TENM3: variants seen among roughly 807,000 people sequenced by gnomAD.
The protein encoded by TENM3 is teneurin transmembrane protein 3.
In TENM3, 63 loss-of-function variants were observed where a neutral mutation model predicts 255.1. That is an observed-to-expected ratio of 0.25 (90% confidence interval 0.20 to 0.30). The LOEUF is 0.30. TENM3 is among the 10% of genes least tolerant of loss of function. The probability of loss-of-function intolerance (pLI) is 1.00; values close to 1 mark genes in which losing one functional copy is unlikely to be tolerated. For missense variants in TENM3, 2,929 were observed against 3,461.1 expected (o/e 0.85, Z 3.86); for synonymous variants, 1,306 against 1,322.3 (o/e 0.99, Z 0.27).
chr4:181,844,216 C>A, the TENM3 span, among the ~76,000 whole-genome samples: 1 of 152,132 alleles, frequency 6.6e-6, no homozygotes, highest in South Asian at 2.1e-4. Flanking sequence ...CACCCCATCT[C>A]TCAACACTGT....
the TENM3 span, among the ~76,000 whole-genome samples, chr4:181,763,884 G>A: frequency 6.6e-6 from 1 of 152,218 alleles, no homozygotes; most frequent in Non-Finnish European, 1.5e-5. Flanking sequence ...AAACTTTTAT[G>A]AACGCAGAGA....
At chr4:182,211,195 A>C (rs940419617) in intron 1 of TENM3, among the ~76,000 whole-genome samples, 1 of 152,258 alleles carries the variant, frequency 6.6e-6, no homozygotes, top group African/African-American at 2.4e-5. Context: ...GAGTAAAGGT[A>C]GTATTCATAA....
the TENM3 span, among the ~76,000 whole-genome samples, chr4:181,807,720 A>G: frequency 1.3e-5 from 2 of 152,224 alleles, no homozygotes; most frequent in Admixed American, 1.3e-4. Context: ...CATCAAAAGA[A>G]CATTATTGGG....
At chr4:182,056,899 G>C in the TENM3 span, among the ~76,000 whole-genome samples, 5 of 151,886 alleles carry the variant, frequency 3.3e-5, no homozygotes, top group South Asian at 1.0e-3. Context: ...GGTCCTAGTG[G>C]GATTCCTCCC....
At chr4:182,088,820 C>T in the TENM3 span, among the ~76,000 whole-genome samples, 12 of 146,796 alleles carry the variant, frequency 8.2e-5, no homozygotes, top group Non-Finnish European at 9.0e-5. Context: ...GGCGACAGAG[C>T]GAGACTCCAT....
the TENM3 span, among the ~76,000 whole-genome samples, chr4:181,783,645 T>C: frequency 1.3e-5 from 2 of 152,228 alleles, no homozygotes; most frequent in Non-Finnish European, 2.9e-5. Flanking sequence ...TTGAATTTTC[T>C]GAACCAAAAA....
At chr4:182,487,776 T>C (rs1033202949) in intron 3 of TENM3, among the ~76,000 whole-genome samples, 2 of 152,208 alleles carry the variant, frequency 1.3e-5, no homozygotes, top group East Asian at 1.9e-4. Flanking sequence ...AAATGAGACC[T>C]AAATAAAATT....
intron 1 of TENM3, among the ~76,000 whole-genome samples, chr4:182,161,311 G>C (rs1751150623): frequency 7.4e-6 from 1 of 136,000 alleles, no homozygotes; most frequent in Non-Finnish European, 1.6e-5. Flanking sequence ...AGCTACTCGG[G>C]AGGCTGAGGC....
the TENM3 span, among the ~76,000 whole-genome samples, chr4:181,996,052 G>T: frequency 6.6e-6 from 1 of 151,794 alleles, no homozygotes; most frequent in Non-Finnish European, 1.5e-5. Flanking sequence ...GATGATGGTG[G>T]ATGAGTGTTA....
chr4:181,734,587 T>C, the TENM3 span, among the ~76,000 whole-genome samples: 2 of 152,118 alleles, frequency 1.3e-5, no homozygotes, highest in Non-Finnish European at 1.5e-5. Flanking sequence ...GAAGACCAAT[T>C]TTCAAAGAGA....
intron 2 of TENM3, among the ~76,000 whole-genome samples, chr4:182,337,282 GA>G (rs1219372114): frequency 6.6e-6 from 1 of 152,148 alleles, no homozygotes; most frequent in Non-Finnish European, 1.5e-5. Flanking sequence ...CAATCTGGGA[GA>G]AAATTATCTA....
At chr4:181,902,392 G>A in the TENM3 span, among the ~76,000 whole-genome samples, 1 of 152,060 alleles carries the variant, frequency 6.6e-6, no homozygotes, top group Non-Finnish European at 1.5e-5. Context: ...GGCTTTTGTT[G>A]TAATTGCTTT....
chr4:181,820,542 C>T, the TENM3 span, among the ~76,000 whole-genome samples: 1 of 151,986 alleles, frequency 6.6e-6, no homozygotes, highest in Non-Finnish European at 1.5e-5. Flanking sequence ...AGCCTTCACC[C>T]CTCAGCATCA....
At chr4:181,993,375 T>C in the TENM3 span, among the ~76,000 whole-genome samples, 15 of 152,292 alleles carry the variant, frequency 9.8e-5, no homozygotes, top group Middle Eastern at 3.4e-3. Context: ...GCATCATTCT[T>C]TGAAATATTA....
intron 3 of TENM3, among the ~76,000 whole-genome samples, chr4:182,488,222 T>C (rs1455654585): frequency 1.3e-5 from 2 of 152,102 alleles, no homozygotes; most frequent in Non-Finnish European, 2.9e-5. Flanking sequence ...GAGACCAGAA[T>C]CAGAGAGGCA....
In TENM3 at chr4:182,335,308, G is replaced by GCT. The variant is rs1561334436; in HGVS notation, c.232+11056_232+11057insCT. On this transcript the variant is annotated intron_variant, in intron 2 of 27. Coordinates refer to ENST00000511685, the MANE Select transcript of TENM3 (RefSeq NM_001080477.4). ...GGTCAGGAGATCGAGACCATCCTGT[G>GCT]AATGGTGAAACCCCGTCTCTACTAA... Among the ~76,000 whole-genome samples the GCT allele has an allele frequency of 2.7e-5, 2 of 73,986 alleles. 1 individual carries two copies. The highest frequency in any genetic ancestry group is 1.0e-4 in the African/African-American group (2 of 20,004). 48.5% of individuals were successfully genotyped at this position (73,986 alleles called of 152,430 possible).
chr4:181,980,316 C>T, the TENM3 span: 1 of 152,182 alleles, frequency 6.6e-6, no homozygotes, highest in Non-Finnish European at 1.5e-5. Context: ...TTGTAGACTT[C>T]CTCCTCCAGG....
rs1393352183 is a variant in TENM3 at position 182,779,205 on chromosome 4, C to T, written c.5304+4052C>T. The stretch of plus-strand genomic sequence containing the variant: ...TGTATCTCCCAATGCTATCCCTCCC[C>T]GCTCCCCCCACCCCACAACAGTCCC... On this transcript the variant is annotated intron_variant, in intron 24 of 27. Transcript: ENST00000511685. Among the ~76,000 whole-genome samples the T allele has an allele frequency of 1.0e-3, 153 of 151,720 alleles. 1 individual carries two copies. Among genetic ancestry groups the T allele is most frequent in the Non-Finnish European group, 2.5e-4 (17 of 67,924 alleles).
At chr4:181,991,546 G>A in the TENM3 span, among the ~76,000 whole-genome samples, 10 of 152,142 alleles carry the variant, frequency 6.6e-5, no homozygotes, top group African/African-American at 2.2e-4. Context: ...ATCAAAAGCT[G>A]TCATCGTCCA....
Sources: gnomAD v4.1 joint callset for allele counts (sites outside exome capture counted in the v4.1 genomes callset) on GRCh38, gnomAD v4.1.1 for gene constraint, MANE v1.5 for transcripts, NCBI Gene and HGNC (gene_info 2026-07-23, HGNC 2026-07-21) for gene names.